The following MTHFD1L variants were observed in gnomAD, a reference collection of about 807,000 sequenced individuals.
MTHFD1L encodes methylenetetrahydrofolate dehydrogenase (NADP+ dependent) 1 like.
A neutral mutation model predicts 119.5 loss-of-function variants in MTHFD1L; 81 were observed. The observed-to-expected ratio is 0.68, with a 90% CI of 0.57 to 0.82. The LOEUF (loss-of-function observed/expected upper bound fraction) is 0.82. MTHFD1L is among the 40% of genes least tolerant of loss of function. The pLI is 0.00. For synonymous variants in MTHFD1L, 430 were observed against 475.2 expected (o/e 0.90, Z 1.24); for missense variants, 1,125 against 1,253.4 (o/e 0.90, Z 1.55).
intron 14 of MTHFD1L, 31 bp from the exon 15 acceptor site, chr6:150,945,436 G>T: frequency 7.6e-6 from 12 of 1,578,534 alleles, no homozygotes; most frequent in Non-Finnish European, 1.0e-5. Flanking sequence ...ACTAACTTTT[G>T]TGTGGTCTCA....
intron 26 of MTHFD1L, among the ~76,000 whole-genome samples, chr6:151,048,631 G>T (rs1225390889): frequency 6.6e-6 from 1 of 152,136 alleles, no homozygotes; most frequent in Non-Finnish European, 1.5e-5. Flanking sequence ...AGGCTCAAGT[G>T]CCCACAAATC....
At chr6:150,945,678 C>T (rs772366127) in intron 15 of MTHFD1L, 137 bp downstream of exon 15, 23 of 740,914 alleles carry the variant, frequency 3.1e-5, no homozygotes, top group Non-Finnish European at 4.8e-5. Context: ...TCTATAGAGA[C>T]CGAACACTGG....
intron 20 of MTHFD1L, among the ~76,000 whole-genome samples, chr6:150,972,800 T>C (rs996159107): frequency 2.6e-5 from 4 of 152,200 alleles, no homozygotes; most frequent in Non-Finnish European, 4.4e-5. Context: ...TGTGAGCTAA[T>C]ATAGGAGAGA....
At chr6:150,869,020 T>C (rs1392712146) in intron 1 of MTHFD1L, among the ~76,000 whole-genome samples, 1 of 152,178 alleles carries the variant, frequency 6.6e-6, no homozygotes, top group Non-Finnish European at 1.5e-5. Context: ...GAGATTGCGC[T>C]ACTGCACTGC....
chr6:150,993,137 T>A (rs1779276421), intron 20 of MTHFD1L, among the ~76,000 whole-genome samples: 1 of 152,210 alleles, frequency 6.6e-6, no homozygotes, highest in South Asian at 2.1e-4. Context: ...ATTGCATAGA[T>A]GTTTTGGTTG....
chr6:151,015,508 T>C lies in MTHFD1L; in HGVS notation c.2409-8T>C, dbSNP rs1412095737. On this transcript the variant is annotated splice_region_variant and splice_polypyrimidine_tract_variant and intron_variant, in intron 23 of 27. Transcript: ENST00000367321. Reference sequence around the variant, plus strand: ...CAGATGCAAAACCACAAACATTTTCTTCACTAGGACCGACACCCGCGCTGA... The same window carrying C: ...CAGATGCAAAACCACAAACATTTTCCTCACTAGGACCGACACCCGCGCTGA... 3.1e-6 allele frequency: 5 copies of C among 1,595,794 alleles called. No individual in the cohort carries two copies. Among genetic ancestry groups the C allele is most frequent in the Non-Finnish European group, 3.4e-6 (4 of 1,172,526 alleles).
intron 20 of MTHFD1L, among the ~76,000 whole-genome samples, chr6:151,003,544 G>C (rs1366518676): frequency 1.3e-5 from 2 of 152,004 alleles, no homozygotes; most frequent in Admixed American, 1.3e-4. Context: ...AAAAAAAAAG[G>C]GGGGAAAGGT....
rs547619764 is a variant in MTHFD1L at position 151,026,499 on chromosome 6, G to A, written c.2587-7994G>A. Among the ~76,000 whole-genome samples, 5 of 152,270 alleles carry A rather than the reference G, an allele frequency of 3.3e-5. No individual in the cohort carries two copies. The South Asian group carries it at 6.2e-4, about 19-fold the overall frequency. ...TACATCTTCCATTGTGATAGAAAGT[G>A]GCAGTGGACAGCTTTGTTCTAGAGT... On this transcript the variant is annotated intron_variant, in intron 24 of 27. Transcript: ENST00000367321.
At chr6:151,030,679 T>C (rs1785224672) in intron 24 of MTHFD1L, among the ~76,000 whole-genome samples, 1 of 152,212 alleles carries the variant, frequency 6.6e-6, no homozygotes, top group Middle Eastern at 3.2e-3. Flanking sequence ...AATTTTCTTA[T>C]CATCTTGTGT....
Position 150,887,996 on chromosome 6 carries a change from A to G in MTHFD1L, c.780+15A>G. ...TTCAAAGCAAGGTAAATTTCATGTT[A>G]GAAACATACATCTTGAAGGCTTCTG... On this transcript the variant is annotated intron_variant, in intron 7 of 27. Coordinates refer to ENST00000367321, the MANE Select transcript of MTHFD1L (RefSeq NM_015440.5). 1.9e-6 allele frequency: 3 copies of G among 1,591,522 alleles called. No homozygotes were observed. The highest frequency in any genetic ancestry group is 4.5e-5 in the East Asian group (2 of 44,470).
At chr6:151,066,696 C>T (rs1272541740) in intron 26 of MTHFD1L, among the ~76,000 whole-genome samples, 3 of 149,224 alleles carry the variant, frequency 2.0e-5, no homozygotes, top group Admixed American at 1.4e-4. Flanking sequence ...ACCCGGGAGG[C>T]GGAGCTTGCA....
rs1019712931 is a variant in MTHFD1L at position 150,865,757 on chromosome 6, G to A, written c.-66G>A. Reference sequence around the variant, plus strand: ...CGCCGCCGCCGCCGCCTGCTCCCCTGGCACGCGCCCCGCCGCCCTCGGCAG... The same window carrying A: ...CGCCGCCGCCGCCGCCTGCTCCCCTAGCACGCGCCCCGCCGCCCTCGGCAG... On this transcript the variant is annotated 5_prime_UTR_variant, in exon 1 of 28. Transcript: ENST00000367321. 6 of 1,195,140 alleles carry A rather than the reference G, an allele frequency of 5.0e-6. No homozygotes were observed. In the African/African-American group the frequency reaches 5.2e-5, roughly 10 times the overall value. 74.0% of individuals were successfully genotyped at this position (1,195,140 alleles called of 1,614,324 possible).
intron 19 of MTHFD1L, among the ~76,000 whole-genome samples, chr6:150,970,727 A>G (rs1033537856): frequency 4.6e-5 from 7 of 152,228 alleles, no homozygotes; most frequent in African/African-American, 1.7e-4. Context: ...TGAGTTAGTC[A>G]TAGAATTTTT....
chr6:150,925,996 G>T, intron 10 of MTHFD1L, 126 bp from the exon 11 acceptor site: 1 of 735,872 alleles, frequency 1.4e-6, no homozygotes, highest in Non-Finnish European at 2.2e-6. Flanking sequence ...TTACTGCCTG[G>T]GAGAAAGGAC....
chr6:151,011,607 A>T (rs748543375), intron 21 of MTHFD1L, among the ~76,000 whole-genome samples: 3 of 152,154 alleles, frequency 2.0e-5, no homozygotes, highest in Non-Finnish European at 4.4e-5. Flanking sequence ...ATCCTATTTC[A>T]TTCATCTTAA....
At chr6:150,930,541 T>C (rs2128920864) in intron 11 of MTHFD1L, among the ~76,000 whole-genome samples, 1 of 152,126 alleles carries the variant, frequency 6.6e-6, no homozygotes, top group South Asian at 2.1e-4. Flanking sequence ...ACTAGGTCTC[T>C]CATAACTCAA....
chr6:150,952,480 C>T lies in MTHFD1L; in HGVS notation c.1726+3347C>T, dbSNP rs144410292. 1.4e-3 allele frequency among the ~76,000 whole-genome samples: 219 copies of T among 152,236 alleles called. 2 individuals are homozygous for T. Among genetic ancestry groups the T allele is most frequent in the African/African-American group, 5.0e-3 (208 of 41,536 alleles). On this transcript the variant is annotated intron_variant, in intron 16 of 27. Transcript: ENST00000367321. ...CTCTTCTCAGGCCATATGGATGTTGCGCCATTTAATGACCACCCCTTCCTT... is the reference window on the plus strand; with the variant it reads ...CTCTTCTCAGGCCATATGGATGTTGTGCCATTTAATGACCACCCCTTCCTT...
rs1254981530 is a variant in MTHFD1L, at chr6:150,923,537, A to ATTTATTTATTTATTTAT, written c.1082+1238_1082+1239insATTTATTTATTTATTTT. Among the ~76,000 whole-genome samples the ATTTATTTATTTATTTAT allele has an allele frequency of 8.5e-3, 805 of 95,184 alleles. 20 individuals are homozygous for ATTTATTTATTTATTTAT. The highest frequency in any genetic ancestry group is 0.039 in the African/African-American group (778 of 19,746). 62.4% of individuals were successfully genotyped at this position (95,184 alleles called of 152,430 possible). ...TATTTATTTATTTATTTATTTATTTATTTTTTCTTTTTTTTTTTTTTTTTT... is the reference window on the plus strand; with the variant it reads ...TATTTATTTATTTATTTATTTATTTATTTATTTATTTATTTATTTTTTTCTTTTTTTTTTTTTTTTTT... On this transcript the variant is annotated intron_variant, in intron 10 of 27. Coordinates refer to ENST00000367321, the MANE Select transcript of MTHFD1L (RefSeq NM_015440.5).
intron 1 of MTHFD1L, among the ~76,000 whole-genome samples, chr6:150,872,240 G>A (rs1056701278): frequency 1.2e-4 from 18 of 152,108 alleles, no homozygotes; most frequent in Admixed American, 9.8e-4. Context: ...TTCTTCAATA[G>A]CTTTTCCTTT....
Sources: allele counts gnomAD v4.1 joint callset (sites outside exome capture counted in the v4.1 genomes callset), GRCh38; gene constraint gnomAD v4.1.1; transcripts MANE v1.5; gene names NCBI Gene and HGNC (gene_info 2026-07-23, HGNC 2026-07-21).